The following ALPK1 variants were observed in gnomAD, a reference collection of about 807,000 sequenced individuals.
ALPK1 encodes alpha kinase 1.
ALPK1 carries 110 observed loss-of-function variants against 120.6 expected under a neutral mutation model. That is an observed-to-expected ratio of 0.91 (90% CI 0.78 to 1.07). The LOEUF is 1.07. Ranked by LOEUF, ALPK1 falls within the 50% of genes least tolerant of loss-of-function variation. The pLI, the probability that ALPK1 is intolerant of heterozygous loss-of-function variation, is 0.00. For missense variants in ALPK1, 1,498 were observed against 1,483.9 expected (o/e 1.01, Z -0.16); for synonymous variants, 582 against 560.3 (o/e 1.04, Z -0.55).
intron 2 of ALPK1, chr4:112,356,375 G>C: frequency 1.2e-6 from 1 of 838,028 alleles, no homozygotes; most frequent in Non-Finnish European, 2.1e-6. Context: ...GCTTCTCTCA[G>C]ATCAGGCCTT....
intron 4 of ALPK1, among the ~76,000 whole-genome samples, chr4:112,407,901 T>A (rs780540860): frequency 6.6e-6 from 1 of 151,040 alleles, no homozygotes; most frequent in East Asian, 1.9e-4. Context: ...AGGTCAGGAG[T>A]TTGAGACTAG....
chr4:112,311,740 T>C lies in ALPK1; in HGVS notation c.-152-4061T>C, dbSNP rs186874049. Among the ~76,000 whole-genome samples, 3 of 152,306 alleles carry C rather than the reference T, an allele frequency of 2.0e-5. No homozygotes were observed. The East Asian group carries it at 5.8e-4, about 29-fold the overall frequency. On this transcript the variant is annotated intron_variant, in intron 1 of 15. Transcript: ENST00000650871. ...GCGCCATGCCTGCCCAATACCAAGA[T>C]AGCAGAGATTTTTTCTAGGAAAGGG...
intron 7 of ALPK1, 76 bp from the exon 8 acceptor site, chr4:112,426,391 G>T (rs1191188676): frequency 8.7e-7 from 1 of 1,149,176 alleles, no homozygotes; most frequent in Admixed American, 2.1e-5. Flanking sequence ...TGTTTTCAAA[G>T]GTTTTCTCTA....
At chr4:112,344,919 TGGTTC>T (rs1730040100) in intron 2 of ALPK1, among the ~76,000 whole-genome samples, 1 of 152,264 alleles carries the variant, frequency 6.6e-6, no homozygotes, top group Non-Finnish European at 1.5e-5. Flanking sequence ...TTAGTTAATT[TGGTTC>T]AAAACCTCTA....
chr4:112,312,717 T>G (rs754691130), intron 1 of ALPK1, among the ~76,000 whole-genome samples: 5 of 152,046 alleles, frequency 3.3e-5, no homozygotes, highest in Non-Finnish European at 7.4e-5. Flanking sequence ...AAGCCAGGAG[T>G]TATTTGTGAA....
chr4:112,402,071 A>G (rs965602863), intron 4 of ALPK1, among the ~76,000 whole-genome samples: 12 of 152,208 alleles, frequency 7.9e-5, no homozygotes, highest in African/African-American at 2.9e-4. Context: ...TGCTTTTACT[A>G]TTGATGGATA....
At position 112,351,622 on chromosome 4, in the gene ALPK1, C is replaced by T. The variant is rs181332788; in HGVS notation, c.-100-26056C>T. 2.6e-4 allele frequency among the ~76,000 whole-genome samples: 39 copies of T among 152,078 alleles called. 1 individual carries two copies. The South Asian group carries it at 3.7e-3, about 15-fold the overall frequency. ...CCGAGTAACTGAGATTACAAGCACG[C>T]GCCACCATGCCCAGCTAATTTTTGT... On this transcript the variant is annotated intron_variant, in intron 2 of 15. Coordinates refer to ENST00000650871, the MANE Select transcript of ALPK1 (RefSeq NM_025144.4).
At chr4:112,400,464 T>C (rs1732858046) in intron 4 of ALPK1, among the ~76,000 whole-genome samples, 1 of 152,158 alleles carries the variant, frequency 6.6e-6, no homozygotes, top group Non-Finnish European at 1.5e-5. Context: ...GGAATTTTGG[T>C]TGGAAAGAGA....
intron 5 of ALPK1, 62 bp downstream of exon 5, chr4:112,412,087 G>A (rs1441385527): frequency 6.3e-7 from 1 of 1,593,236 alleles, no homozygotes; most frequent in South Asian, 1.1e-5. Flanking sequence ...CTTCCCTCCC[G>A]AGCTACTTGA....
At chr4:112,393,409 CA>C (rs990619320) in intron 4 of ALPK1, among the ~76,000 whole-genome samples, 10 of 152,224 alleles carry the variant, frequency 6.6e-5, no homozygotes, top group Admixed American at 6.5e-4. Flanking sequence ...AATAACAAAA[CA>C]AAAACAAGAC....
chr4:112,417,354 A>G (rs1311170441), intron 5 of ALPK1, among the ~76,000 whole-genome samples: 1 of 152,254 alleles, frequency 6.6e-6, no homozygotes, highest in African/African-American at 2.4e-5. Context: ...TTATATGGCA[A>G]TATCACTTAT....
chr4:112,334,868 T>C (rs1266612979), intron 2 of ALPK1, among the ~76,000 whole-genome samples: 1 of 152,220 alleles, frequency 6.6e-6, no homozygotes, highest in Non-Finnish European at 1.5e-5. Context: ...CCATATACAG[T>C]TACTGCTAGA....
At chr4:112,340,505 C>G (rs1294843211) in intron 2 of ALPK1, among the ~76,000 whole-genome samples, 1 of 152,104 alleles carries the variant, frequency 6.6e-6, no homozygotes, top group Non-Finnish European at 1.5e-5. Context: ...TTCAGTCACT[C>G]AAAAATCTCT....
chr4:112,358,709 G>T, intron 2 of ALPK1: 1 of 765,702 alleles, frequency 1.3e-6, no homozygotes, highest in Non-Finnish European at 2.4e-6. Context: ...CGCAAGGAAG[G>T]AGGAAGAAGA....
chr4:112,408,473 CTT>C (rs754785103), intron 4 of ALPK1, among the ~76,000 whole-genome samples: 6 of 143,478 alleles, frequency 4.2e-5, no homozygotes, highest in African/African-American at 7.7e-5. Flanking sequence ...CAATGACTGA[CTT>C]TTTTTTTTTT....
At chr4:112,369,607 A>T (rs1361856350) in intron 2 of ALPK1, among the ~76,000 whole-genome samples, 1 of 152,138 alleles carries the variant, frequency 6.6e-6, no homozygotes, top group Non-Finnish European at 1.5e-5. Context: ...GCTTGAACCC[A>T]GGAGGCAGAG....
At chr4:112,351,265 C>A (rs974232674) in intron 2 of ALPK1, among the ~76,000 whole-genome samples, 2 of 152,080 alleles carry the variant, frequency 1.3e-5, no homozygotes, top group Non-Finnish European at 1.5e-5. Flanking sequence ...TAAACACGTG[C>A]AGCTGCAGTG....
chr4:112,377,289 A>C (rs1731708745), intron 2 of ALPK1, among the ~76,000 whole-genome samples: 1 of 152,244 alleles, frequency 6.6e-6, no homozygotes, highest in Non-Finnish European at 1.5e-5. Flanking sequence ...CTAGTGTCTA[A>C]TATTAGAACT....
rs973246863 is a variant in ALPK1 at position 112,392,269 on chromosome 4, G to A, written c.276+9717G>A. On this transcript the variant is annotated intron_variant, in intron 4 of 15. Transcript: ENST00000650871. ...ACCAACCAAACTTTATCCACCCCCA[G>A]CGATCACCATATCGGTAAATGGCAC... Among the ~76,000 whole-genome samples the A allele has an allele frequency of 2.6e-5, 4 of 151,942 alleles. No homozygotes were observed. The South Asian group carries it at 6.2e-4, about 24-fold the overall frequency.
Sources: gnomAD v4.1 joint callset for allele counts (sites outside exome capture counted in the v4.1 genomes callset) on GRCh38, gnomAD v4.1.1 for gene constraint, MANE v1.5 for transcripts, NCBI Gene and HGNC (gene_info 2026-07-23, HGNC 2026-07-21) for gene names.